The following NFATC2 variants were observed in gnomAD, a reference collection of about 807,000 sequenced individuals.
NFATC2 encodes the protein nuclear factor of activated T cells 2, also known as nuclear factor of activated T-cells, cytoplasmic 2.
In NFATC2, 22 loss-of-function variants were observed where a neutral mutation model predicts 87.3. The observed-to-expected ratio is 0.25, with a 90% CI of 0.18 to 0.36. The LOEUF (loss-of-function observed/expected upper bound fraction) is 0.36, where lower values mean the gene tolerates loss of function less well. Among genes scored for constraint, NFATC2 ranks in the 10% least tolerant of loss-of-function variants. The probability of loss-of-function intolerance (pLI) is 1.00; values close to 1 mark genes in which losing one functional copy is unlikely to be tolerated. For missense variants in NFATC2, 1,149 were observed against 1,259.1 expected, an observed-to-expected ratio of 0.91 and a Z score of 1.32; for synonymous variants, 565 against 542.2, an observed-to-expected ratio of 1.04 and a Z score of -0.58.
chr20:51,461,770 G>A (rs1431089592), intron 5 of NFATC2, among the ~76,000 whole-genome samples: 1 of 152,216 alleles, frequency 6.6e-6, no homozygotes, highest in Non-Finnish European at 1.5e-5. Flanking sequence ...AAGAACCTCA[G>A]GAGAGACTGG....
chr20:51,412,803 G>A (rs1018778058), intron 9 of NFATC2, among the ~76,000 whole-genome samples: 2 of 152,084 alleles, frequency 1.3e-5, no homozygotes, highest in Non-Finnish European at 1.5e-5. Context: ...TGGGCTAGAC[G>A]TTTGGCATGC....
intron 1 of NFATC2, among the ~76,000 whole-genome samples, chr20:51,556,987 G>C (rs144923392): frequency 6.6e-6 from 1 of 152,160 alleles, no homozygotes; most frequent in African/African-American, 2.4e-5. Flanking sequence ...GGCTCCTTTA[G>C]GGGGCTGGGG....
At chr20:51,396,922 T>C (rs1226485298) in intron 10 of NFATC2, among the ~76,000 whole-genome samples, 1 of 151,778 alleles carries the variant, frequency 6.6e-6, no homozygotes, top group Non-Finnish European at 1.5e-5. Flanking sequence ...AGCCCTCCCC[T>C]GTGCCTTTTT....
chr20:51,387,841 A>C lies in NFATC2; in HGVS notation c.*3655T>G. The C allele has an allele frequency of 6.6e-6, 1 of 150,520 alleles. No individual in the cohort carries two copies. The highest frequency in any genetic ancestry group is 2.5e-5 in the African/African-American group (1 of 40,668). 9.3% of individuals were successfully genotyped at this position (150,520 alleles called of 1,614,324 possible). A position where few individuals can be genotyped will look rare whatever the true frequency, so the allele number is the denominator to read the frequency against. ...ACATTCTTTCAATTCTGAGCAATAGAAAGCACTTGGAAAGGTCTTTTTTTT... is the reference window on the plus strand; with the variant it reads ...ACATTCTTTCAATTCTGAGCAATAGCAAGCACTTGGAAAGGTCTTTTTTTT... On this transcript the variant is annotated 3_prime_UTR_variant, in exon 11 of 11. Coordinates refer to ENST00000371564, the MANE Select transcript of NFATC2 (RefSeq NM_012340.5).
chr20:51,414,241 G>A (rs1326125507), intron 9 of NFATC2, among the ~76,000 whole-genome samples: 1 of 152,082 alleles, frequency 6.6e-6, no homozygotes, highest in African/African-American at 2.4e-5. Context: ...ACTACCCAGA[G>A]ACTCGAGCAA....
chr20:51,515,162 TG>T (rs1680866647), intron 3 of NFATC2, among the ~76,000 whole-genome samples: 1 of 152,158 alleles, frequency 6.6e-6, no homozygotes, highest in African/African-American at 2.4e-5. Context: ...AGGAAGCTGC[TG>T]GGGGAAACCC....
At chr20:51,426,414 G>A (rs1309978046) in intron 9 of NFATC2, among the ~76,000 whole-genome samples, 1 of 151,998 alleles carries the variant, frequency 6.6e-6, no homozygotes, top group Admixed American at 6.5e-5. Flanking sequence ...GGAGGCAGAG[G>A]TTGCAGCGAG....
At chr20:51,495,842 C>T (rs977906421) in intron 3 of NFATC2, among the ~76,000 whole-genome samples, 7 of 152,188 alleles carry the variant, frequency 4.6e-5, no homozygotes, top group African/African-American at 1.7e-4. Context: ...CTCAATCATC[C>T]CTCCTCTGTC....
chr20:51,456,546 G>A (rs1600774970), intron 5 of NFATC2, among the ~76,000 whole-genome samples: 1 of 152,162 alleles, frequency 6.6e-6, no homozygotes, highest in Non-Finnish European at 1.5e-5. Context: ...ACCTTCCCAG[G>A]GCAGGCAAGA....
At chr20:51,488,591 G>A (rs2075824907) in intron 3 of NFATC2, among the ~76,000 whole-genome samples, 5 of 152,146 alleles carry the variant, frequency 3.3e-5, no homozygotes, top group Admixed American at 3.3e-4. Flanking sequence ...ACATTTATGA[G>A]GAGGGGAAAC....
chr20:51,522,780 GTTTGAAAAACACTT>G (rs576080850), intron 2 of NFATC2, among the ~76,000 whole-genome samples: 1 of 152,190 alleles, frequency 6.6e-6, no homozygotes, highest in East Asian at 1.9e-4. Flanking sequence ...CCACCTAGAT[GTTTGAAAAACACTT>G]TTTGAATAAA....
chr20:51,542,238 T>C, intron 1 of NFATC2, 132 bp downstream of exon 1: 2 of 1,172,412 alleles, frequency 1.7e-6, no homozygotes, highest in Non-Finnish European at 2.3e-6. Flanking sequence ...CCCTGGCACC[T>C]GGGTAGGGGC....
chr20:51,461,942 C>G (rs1987204828), intron 5 of NFATC2, among the ~76,000 whole-genome samples: 1 of 151,782 alleles, frequency 6.6e-6, no homozygotes. Context: ...GTGGTGAAAC[C>G]CCATCTCCAC....
At position 51,524,000 on chromosome 20, in the gene NFATC2, C is replaced by G. The variant is rs2076501266; in HGVS notation, c.241G>C (p.Glu81Gln). Residue 81 changes from glutamate (E) to glutamine (Q), a missense_variant, in exon 2 of 11, where the codon GAG (glutamate) becomes CAG (glutamine). By Grantham distance (29) the Glu-to-Gln change is conservative. Coordinates refer to ENST00000371564, the MANE Select transcript of NFATC2 (RefSeq NM_012340.5). This position sits in a 1 kb window ranked among gnomAD's most constrained non-coding sequence, Gnocchi z 6.9. ...PYSPLASLSGEPPGRFGEPDR... is the reference protein window; with the variant it reads ...PYSPLASLSGQPPGRFGEPDR... ...GGCTCTCCGAATCGGCCGGGGGGCTCGCCAGAGAGACTAGCAAGGGGGCTG... is the reference window on the plus strand; with the variant it reads ...GGCTCTCCGAATCGGCCGGGGGGCTGGCCAGAGAGACTAGCAAGGGGGCTG... 6.4e-7 allele frequency: 1 copy of G among 1,566,336 alleles called. No individual in the cohort carries two copies. Among genetic ancestry groups the G allele is most frequent in the Admixed American group, 2.2e-5 (1 of 46,462 alleles).
intron 5 of NFATC2, among the ~76,000 whole-genome samples, chr20:51,468,040 G>A (rs1987852759): frequency 6.6e-6 from 1 of 152,178 alleles, no homozygotes; most frequent in South Asian, 2.1e-4. Flanking sequence ...ATAACATGCT[G>A]AGCAAAAACA....
intron 9 of NFATC2, among the ~76,000 whole-genome samples, chr20:51,412,680 C>T (rs1402729537): frequency 6.6e-6 from 1 of 152,164 alleles, no homozygotes; most frequent in Admixed American, 6.5e-5. Context: ...ATGCCCGATT[C>T]CTGGGCGTCC....
In NFATC2 at chr20:51,523,993, G is replaced by T. The variant is rs755934652; in HGVS notation, c.248C>A (p.Pro83His). Residue 83 changes from proline (P) to histidine (H), a missense_variant, in exon 2 of 11, where the codon CCC becomes CAC. Transcript: ENST00000371564. The surrounding 1 kb of genome is among the most constrained non-coding windows in gnomAD (Gnocchi z 6.9). ...SPLASLSGEP[P>H]GRFGEPDRVG... ...CCTATCCGGCTCTCCGAATCGGCCG[G>T]GGGGCTCGCCAGAGAGACTAGCAAG... The T allele has an allele frequency of 1.3e-5, 20 of 1,570,766 alleles. No homozygotes were observed. The highest frequency in any genetic ancestry group is 8.3e-5 in the South Asian group (7 of 84,716).
intron 1 of NFATC2, among the ~76,000 whole-genome samples, chr20:51,532,854 C>T (rs1004862473): frequency 2.0e-5 from 3 of 152,230 alleles, no homozygotes; most frequent in Admixed American, 2.0e-4. Context: ...CAGGGAGGGG[C>T]AGAGGCAAAT....
intron 6 of NFATC2, among the ~76,000 whole-genome samples, chr20:51,438,286 G>C (rs1404474335): frequency 6.6e-6 from 1 of 152,150 alleles, no homozygotes; most frequent in Admixed American, 6.5e-5. Flanking sequence ...AAGTGAGCTT[G>C]AAGCCTGAAG....
Sources: gnomAD v4.1 joint callset for allele counts (sites outside exome capture counted in the v4.1 genomes callset) on GRCh38, gnomAD v4.1.1 for gene constraint, Gnocchi (gnomAD v3.1) non-coding constraint, MANE v1.5 for transcripts, NCBI Gene and HGNC (gene_info 2026-07-23, HGNC 2026-07-21) for gene names.